The following ZNF544 variants were observed in gnomAD, a reference collection of about 807,000 sequenced individuals.
ZNF544 encodes the protein zinc finger protein AF020591.
ZNF544 carries 10 observed loss-of-function variants against 13.5 expected under a neutral mutation model. The ratio of observed to expected loss-of-function variants is 0.74; its 90% CI spans 0.46 to 1.25. The LOEUF is 1.25. Among genes scored for constraint, ZNF544 ranks in the 50% most tolerant of loss-of-function variants. The pLI is 0.00. For missense variants in ZNF544, 896 were observed against 845.6 expected, an observed-to-expected ratio of 1.06 and a Z score of -0.74; for synonymous variants, 323 against 300.5, an observed-to-expected ratio of 1.07 and a Z score of -0.77.
intron 3 of ZNF544, among the ~76,000 whole-genome samples, chr19:58,238,132 A>G (rs1374044571): frequency 1.3e-5 from 2 of 152,138 alleles, no homozygotes; most frequent in African/African-American, 4.8e-5. Flanking sequence ...GGGTTTCACC[A>G]TGTTGGTCAG....
At chr19:58,248,160 C>G (rs897843391) in intron 6 of ZNF544, among the ~76,000 whole-genome samples, 3 of 152,160 alleles carry the variant, frequency 2.0e-5, no homozygotes, top group Non-Finnish European at 4.4e-5. Flanking sequence ...GATGCGCCCC[C>G]CTCAGCCTCC....
chr19:58,234,441 C>T (rs889549725), intron 3 of ZNF544, among the ~76,000 whole-genome samples: 4 of 152,266 alleles, frequency 2.6e-5, no homozygotes, highest in Non-Finnish European at 5.9e-5. Context: ...AAAGGCCCCA[C>T]AGGCCAGGGT....
At chr19:58,255,969 A>G (rs145592226) in intron 6 of ZNF544, among the ~76,000 whole-genome samples, 33 of 152,340 alleles carry the variant, frequency 2.2e-4, no homozygotes, top group African/African-American at 7.5e-4. Flanking sequence ...GAGAAAAAGG[A>G]AAAGGACTAA....
At chr19:58,253,244 AT>A (rs1436945820) in intron 6 of ZNF544, among the ~76,000 whole-genome samples, 1 of 152,238 alleles carries the variant, frequency 6.6e-6, no homozygotes, top group Non-Finnish European at 1.5e-5. Context: ...CAATTCTTTC[AT>A]TTTAACATTT....
chr19:58,242,096 G>A (rs1266781901), intron 3 of ZNF544: 2 of 308,526 alleles, frequency 6.5e-6, no homozygotes, highest in African/African-American at 2.3e-5. Flanking sequence ...TCAGGCACCA[G>A]AAGTGTTTGA....
intron 3 of ZNF544, among the ~76,000 whole-genome samples, chr19:58,239,438 A>C (rs1275655474): frequency 6.6e-6 from 1 of 152,214 alleles, no homozygotes; most frequent in Non-Finnish European, 1.5e-5. Flanking sequence ...TGCTGTGAAG[A>C]AATGGCCCAC....
At position 58,261,438 on chromosome 19, in the gene ZNF544, C is replaced by T. The variant is rs1409358769; in HGVS notation, c.832C>T (p.Leu278Phe). 2 of 1,614,164 alleles carry T rather than the reference C, an allele frequency of 1.2e-6. No homozygotes were observed. Among genetic ancestry groups the T allele is most frequent in the African/African-American group, 1.3e-5 (1 of 75,032 alleles). The part of the protein sequence containing the change: ...KSDDCKDYGN[L>F]FSHSVSLNEQ... The stretch of plus-strand genomic sequence containing the variant: ...TGATGACTGTAAGGATTATGGAAAC[C>T]TCTTCAGTCACAGTGTGTCTCTGAA... Residue 278 changes from leucine (L) to phenylalanine (F), a missense_variant, in exon 7 of 7, where the codon CTC becomes TTC. Coordinates refer to ENST00000687789, the MANE Select transcript of ZNF544 (RefSeq NM_014480.4).
chr19:58,249,282 G>A (rs893075799), intron 6 of ZNF544, among the ~76,000 whole-genome samples: 3 of 152,114 alleles, frequency 2.0e-5, no homozygotes, highest in African/African-American at 7.2e-5. Flanking sequence ...TCTTTCTTCT[G>A]TAACTGCTTT....
Position 58,261,956 on chromosome 19 carries a change from C to T in ZNF544, c.1350C>T (p.Asn450=), listed in dbSNP as rs1239880873. The T allele has an allele frequency of 2.5e-6, 4 of 1,613,442 alleles. No homozygotes were observed. The highest frequency in any genetic ancestry group is 3.4e-6 in the Non-Finnish European group (4 of 1,179,930). The change falls in exon 7 of 7, where the codon AAC becomes AAT. Residue 450 remains asparagine, a synonymous_variant. Coordinates refer to ENST00000687789, the MANE Select transcript of ZNF544 (RefSeq NM_014480.4). ...ECRKSFRWNS[N]LIVHQRIHTG... is the part of the protein sequence containing the mutation. ...GAAAATCCTTCAGGTGGAACTCTAA[C>T]CTCATTGTACATCAGAGAATTCATA... is the stretch of plus-strand genomic sequence containing the variant.
In ZNF544 at chr19:58,246,697, C is replaced by T. The variant is rs2045301752; in HGVS notation, c.161-14C>T. On this transcript the variant is annotated splice_polypyrimidine_tract_variant and intron_variant, in intron 5 of 6. Transcript: ENST00000687789. Reference sequence around the variant, plus strand: ...CCAAGCAGAGGGGCAAGTCCTTTTTCCGTCTTTGACCAGGGCTTTTCCTTT... The same window carrying T: ...CCAAGCAGAGGGGCAAGTCCTTTTTTCGTCTTTGACCAGGGCTTTTCCTTT... The T allele has an allele frequency of 6.2e-7, 1 of 1,613,198 alleles. No individual in the cohort carries two copies. Among genetic ancestry groups the T allele is most frequent in the Non-Finnish European group, 8.5e-7 (1 of 1,179,730 alleles).
Position 58,263,151 on chromosome 19 carries a change from C to T in ZNF544, c.*397C>T, listed in dbSNP as rs146947327. 337 of 1,003,674 alleles carry T rather than the reference C, an allele frequency of 3.4e-4. 3 individuals are homozygous for T. In the African/African-American group the frequency reaches 5.4e-3, roughly 16 times the overall value. 62.2% of individuals were successfully genotyped at this position (1,003,674 alleles called of 1,614,324 possible). On this transcript the variant is annotated 3_prime_UTR_variant, in exon 7 of 7. Coordinates refer to ENST00000687789, the MANE Select transcript of ZNF544 (RefSeq NM_014480.4). ...TATTCAACATGAGAAAGCTCATGGG[C>T]AAGAAACTCTATGAATAACCAAGAT...
rs752371050 is a variant in ZNF544, at chr19:58,261,138, T to C, written c.532T>C (p.Leu178=). Residue 178 remains leucine (L), a synonymous_variant, in exon 7 of 7, where the codon TTA becomes CTA. Transcript: ENST00000687789. ...TACTTTAAGCCTTCTACCTACAACA[T>C]TACCTACAAGTACAGGTTTCCCTAA... ...PSTLSLLPTT[L]PTSTGFPKPN... 1.9e-6 allele frequency: 3 copies of C among 1,614,004 alleles called. No homozygotes were observed. The highest frequency in any genetic ancestry group is 2.5e-6 in the Non-Finnish European group (3 of 1,180,032).
At chr19:58,264,321 T>A (rs1219168995), downstream of ZNF544, among the ~76,000 whole-genome samples, 1 of 145,560 alleles carries the variant, frequency 6.9e-6, no homozygotes, top group Non-Finnish European at 1.5e-5. Context: ...GAGGCAGAGG[T>A]TGCAGTGAAC....
intron 4 of ZNF544, among the ~76,000 whole-genome samples, chr19:58,245,229 C>T (rs554612308): frequency 2.0e-5 from 3 of 149,488 alleles, no homozygotes; most frequent in Middle Eastern, 3.4e-3. Flanking sequence ...CATGAACCAC[C>T]GCGCCCGACC....
At chr19:58,257,190 G>A (rs2147487227) in intron 6 of ZNF544, 2 of 152,254 alleles carry the variant, frequency 1.3e-5, no homozygotes, top group South Asian at 4.1e-4. Flanking sequence ...CAAAGTGCTG[G>A]GATTACAGGC....
intron 6 of ZNF544, among the ~76,000 whole-genome samples, chr19:58,248,273 CTTTTTTTT>C (rs34774786): frequency 9.2e-6 from 1 of 108,516 alleles, no homozygotes; most frequent in Non-Finnish European, 1.8e-5. Flanking sequence ...TTTTTTTTTT[CTTTTTTTT>C]TTTTTTTTTT....
intron 6 of ZNF544, among the ~76,000 whole-genome samples, chr19:58,250,371 G>C (rs564968526): frequency 5.3e-4 from 81 of 152,334 alleles, no homozygotes; most frequent in African/African-American, 1.9e-3. Context: ...AAGATAACTA[G>C]ATGTCTGAGG....
chr19:58,244,085 C>G, intron 4 of ZNF544, 29 bp downstream of exon 4: 1 of 1,591,508 alleles, frequency 6.3e-7, no homozygotes, highest in South Asian at 1.1e-5. Context: ...CTCTCAGTGC[C>G]TTGGTCTCCA....
chr19:58,247,869 G>T (rs559611416), intron 6 of ZNF544, among the ~76,000 whole-genome samples: 17 of 152,062 alleles, frequency 1.1e-4, no homozygotes, highest in Admixed American at 5.9e-4. Context: ...TTAACAACTT[G>T]GATTTGTATT....
Sources: allele counts gnomAD v4.1 joint callset (sites outside exome capture counted in the v4.1 genomes callset), GRCh38; gene constraint gnomAD v4.1.1; transcripts MANE v1.5; gene names NCBI Gene and HGNC (gene_info 2026-07-23, HGNC 2026-07-21).